The following USH2A variants were observed in gnomAD, a reference collection of about 807,000 sequenced individuals.
The protein encoded by USH2A is Usher syndrome 2A (autosomal recessive, mild).
A neutral mutation model predicts 538.9 loss-of-function variants in USH2A; 443 were observed. The ratio of observed to expected loss-of-function variants is 0.82; its 90% CI spans 0.76 to 0.89. The LOEUF is 0.89. Among genes scored for constraint, USH2A ranks in the 40% least tolerant of loss-of-function variants. The pLI is 0.00. For synonymous variants in USH2A, 2,413 were observed against 2,273.5 expected (o/e 1.06, Z -1.75); for missense variants, 6,633 against 6,324.8 (o/e 1.05, Z -1.65).
At chr1:215,779,753 A>G (rs1661566725) in intron 55 of USH2A, 90 bp downstream of exon 55, 14 of 1,490,324 alleles carry the variant, frequency 9.4e-6, no homozygotes, top group Non-Finnish European at 1.2e-5. Context: ...GTGACCTCAT[A>G]TATCAAACAC....
Position 215,674,622 on chromosome 1 carries a change from G to A in USH2A, c.13289C>T (p.Thr4430Ile). The A allele has an allele frequency of 6.2e-7, 1 of 1,614,146 alleles. No homozygotes were observed. The highest frequency in any genetic ancestry group is 8.5e-7 in the Non-Finnish European group (1 of 1,180,020). ...SLVACTNGGC[T>I]ASVSKSAWTM... Reference sequence around the variant, plus strand: ...CCAGGCAGATTTTGACACACTAGCTGTGCAACCTCCATTCGTGCAGGCTAC... The same window carrying A: ...CCAGGCAGATTTTGACACACTAGCTATGCAACCTCCATTCGTGCAGGCTAC... Residue 4430 changes from threonine to isoleucine, a missense_variant, in exon 63 of 72, where the codon ACA becomes ATA. Coordinates refer to ENST00000307340, the MANE Select transcript of USH2A (RefSeq NM_206933.4).
intron 35 of USH2A, among the ~76,000 whole-genome samples, chr1:215,990,020 C>T (rs1667967784): frequency 6.6e-6 from 1 of 152,048 alleles, no homozygotes; most frequent in African/African-American, 2.4e-5. Context: ...TTGAGAAATA[C>T]CATTTAAAAT....
chr1:215,907,847 G>A (rs1390083866), intron 38 of USH2A, among the ~76,000 whole-genome samples: 2 of 152,008 alleles, frequency 1.3e-5, no homozygotes, highest in South Asian at 4.1e-4. Context: ...ATGAATCAAT[G>A]GTTGGAAAGA....
intron 64 of USH2A, among the ~76,000 whole-genome samples, chr1:215,653,840 C>T (rs1252326807): frequency 1.3e-5 from 2 of 152,086 alleles, no homozygotes; most frequent in African/African-American, 4.8e-5. Context: ...AGAAACAATG[C>T]CCCAAGATTC....
At chr1:216,228,542 G>C (rs897877203) in intron 14 of USH2A, among the ~76,000 whole-genome samples, 1 of 152,030 alleles carries the variant, frequency 6.6e-6, no homozygotes, top group South Asian at 2.1e-4. Flanking sequence ...TAAGTCTCAC[G>C]ATATCTGATG....
intron 22 of USH2A, among the ~76,000 whole-genome samples, chr1:216,090,477 G>C (rs151174400): frequency 0.015 from 2,339 of 150,938 alleles, 18 homozygotes; most frequent in Middle Eastern, 0.048. Flanking sequence ...GAGTATGAGT[G>C]GGTTGTCTCT....
At position 215,779,923 on chromosome 1, in the gene USH2A, A is replaced by G. The variant is rs779716464; in HGVS notation, c.10859T>C (p.Ile3620Thr). 24 of 1,614,008 alleles carry G rather than the reference A, an allele frequency of 1.5e-5. No individual in the cohort carries two copies. The East Asian group carries it at 4.9e-4, about 33-fold the overall frequency. Residue 3620 changes from isoleucine to threonine, a missense_variant, in exon 55 of 72, where the codon ATT (isoleucine) becomes ACT (threonine). Physicochemically the swap from Ile to Thr is moderately conservative, Grantham distance 89 (BLOSUM62 -1). Coordinates refer to ENST00000307340, the MANE Select transcript of USH2A (RefSeq NM_206933.4). ...AACCTGCCTGATCTGGTACTCTTTA[A>G]TGACGCCGTTTGATTTCTCAGGGAC... ...WSVPEKSNGV[I>T]KEYQIRQVGK...
intron 48 of USH2A, among the ~76,000 whole-genome samples, chr1:215,815,074 C>G (rs910430201): frequency 6.6e-6 from 1 of 152,074 alleles, no homozygotes; most frequent in African/African-American, 2.4e-5. Context: ...ATCTTTCATG[C>G]TAGGAAATGT....
intron 3 of USH2A, among the ~76,000 whole-genome samples, chr1:216,375,911 G>A (rs2038809530): frequency 6.6e-6 from 1 of 152,038 alleles, no homozygotes; most frequent in Non-Finnish European, 1.5e-5. Flanking sequence ...GAGGCCCAAG[G>A]AGAAGGAACA....
chr1:215,645,249 A>T (rs1228337681), intron 67 of USH2A, among the ~76,000 whole-genome samples: 4 of 152,124 alleles, frequency 2.6e-5, no homozygotes, highest in Admixed American at 6.6e-5. Flanking sequence ...AGATGGTTTG[A>T]AGTCTTGATT....
chr1:216,073,448 A>G (rs2031634590), intron 27 of USH2A, 148 bp from the exon 28 acceptor site: 1 of 795,140 alleles, frequency 1.3e-6, no homozygotes, highest in Admixed American at 2.2e-5. Flanking sequence ...AAAACCTTTT[A>G]TGCCTCCTAC....
intron 11 of USH2A, among the ~76,000 whole-genome samples, chr1:216,285,736 G>A (rs772480088): frequency 9.2e-5 from 14 of 152,218 alleles, no homozygotes; most frequent in Non-Finnish European, 1.5e-4. Flanking sequence ...AGCCACAGGG[G>A]CCGAGCTGCC....
At chr1:215,906,106 AT>A (rs1185503069) in intron 38 of USH2A, among the ~76,000 whole-genome samples, 3 of 152,194 alleles carry the variant, frequency 2.0e-5, no homozygotes, top group African/African-American at 7.2e-5. Flanking sequence ...ACTAAACCAT[AT>A]GTCATTTAAA....
intron 3 of USH2A, among the ~76,000 whole-genome samples, chr1:216,410,014 A>T (rs2039459447): frequency 6.6e-6 from 1 of 152,052 alleles, no homozygotes. Context: ...CAACAAATCT[A>T]CAAGAAAAAA....
In USH2A at chr1:215,905,366, A is replaced by G. The variant is rs762495634; in HGVS notation, c.7301-4461T>C. Among the ~76,000 whole-genome samples the G allele has an allele frequency of 2.0e-5, 3 of 152,062 alleles. No individual in the cohort carries two copies. The South Asian group carries it at 6.2e-4, about 31-fold the overall frequency. ...AATAAAATGCTGCATTAAAATATCA[A>G]ATAAGCCTGTAATATTTTGTATCAA... On this transcript the variant is annotated intron_variant, in intron 38 of 71. Transcript: ENST00000307340.
At chr1:215,895,818 A>G (rs1665326205) in intron 40 of USH2A, among the ~76,000 whole-genome samples, 1 of 152,232 alleles carries the variant, frequency 6.6e-6, no homozygotes, top group African/African-American at 2.4e-5. Context: ...TTGTACAAAC[A>G]TCCTAGAGTG....
chr1:216,188,208 T>A (rs1197156774), intron 20 of USH2A, among the ~76,000 whole-genome samples: 1 of 151,468 alleles, frequency 6.6e-6, no homozygotes, highest in Non-Finnish European at 1.5e-5. Context: ...ATTTTGCCAC[T>A]GCAACCAATG....
At chr1:216,074,746 A>G (rs1205739811) in intron 27 of USH2A, among the ~76,000 whole-genome samples, 2 of 152,144 alleles carry the variant, frequency 1.3e-5, no homozygotes, top group Admixed American at 1.3e-4. Context: ...ATCAGTAGTA[A>G]TTTTCTGATG....
At chr1:216,239,150 A>C (rs1343924077) in intron 13 of USH2A, among the ~76,000 whole-genome samples, 1 of 152,104 alleles carries the variant, frequency 6.6e-6, no homozygotes, top group Admixed American at 6.5e-5. Flanking sequence ...AAACAAAAAA[A>C]ATAAAAAATA....
Sources: gnomAD v4.1 joint callset for allele counts (sites outside exome capture counted in the v4.1 genomes callset) on GRCh38, gnomAD v4.1.1 for gene constraint, MANE v1.5 for transcripts, NCBI Gene and HGNC (gene_info 2026-07-23, HGNC 2026-07-21) for gene names.